SIPA1L1: variants seen among roughly 807,000 people sequenced by gnomAD.
SIPA1L1 encodes signal induced proliferation associated 1 like 1, also known as signal-induced proliferation-associated 1-like protein 1.
SIPA1L1 carries 26 observed loss-of-function variants against 162.7 expected under a neutral mutation model. The observed-to-expected ratio is 0.16, with a 90% CI of 0.12 to 0.22. SIPA1L1 has a LOEUF of 0.22. Among genes scored for constraint, SIPA1L1 ranks in the 10% least tolerant of loss-of-function variants. The probability of loss-of-function intolerance (pLI) is 1.00; values close to 1 mark genes in which losing one functional copy is unlikely to be tolerated. For synonymous variants in SIPA1L1, 829 were observed against 837.4 expected (o/e 0.99, Z 0.17); for missense variants, 1,874 against 2,241.0 (o/e 0.84, Z 3.31).
chr14:71,330,786 T>C (rs1007231188), intron 2 of SIPA1L1: 1 of 730,526 alleles, frequency 1.4e-6, no homozygotes, highest in Non-Finnish European at 2.5e-6. Flanking sequence ...GGGCTGTCCC[T>C]GACGACCTCA....
intron 2 of SIPA1L1, among the ~76,000 whole-genome samples, chr14:71,412,475 G>T (rs2140324110): frequency 6.6e-6 from 1 of 152,304 alleles, no homozygotes; most frequent in East Asian, 1.9e-4. Context: ...TTATGGTAGT[G>T]TAGGAAAGGC....
intron 3 of SIPA1L1, among the ~76,000 whole-genome samples, chr14:71,522,834 C>T (rs918245857): frequency 9.9e-5 from 15 of 152,186 alleles, no homozygotes; most frequent in African/African-American, 3.4e-4. Context: ...GTTGGGATTA[C>T]AGGCTCCACC....
At chr14:71,593,836 A>G (rs1027669608) in intron 5 of SIPA1L1, among the ~76,000 whole-genome samples, 2 of 152,154 alleles carry the variant, frequency 1.3e-5, no homozygotes, top group East Asian at 1.9e-4. Flanking sequence ...GCTTGTCTTC[A>G]TGGTAGGTGG....
intron 10 of SIPA1L1, among the ~76,000 whole-genome samples, chr14:71,666,532 A>G (rs374366141): frequency 6.6e-6 from 1 of 152,368 alleles, no homozygotes; most frequent in East Asian, 1.9e-4. Context: ...TATTCATTTT[A>G]AAACTAAAAT....
At chr14:71,528,732 G>T (rs1157457988) in intron 3 of SIPA1L1, 1 of 152,144 alleles carries the variant, frequency 6.6e-6, no homozygotes, top group Non-Finnish European at 1.5e-5. Context: ...AACAGTACTT[G>T]ATAAAAAGGT....
intron 10 of SIPA1L1, among the ~76,000 whole-genome samples, chr14:71,667,099 C>T (rs2044086352): frequency 6.6e-6 from 1 of 152,078 alleles, no homozygotes; most frequent in Non-Finnish European, 1.5e-5. Flanking sequence ...TAGCTTACTG[C>T]ATGGGGGCTT....
chr14:71,564,482 TTTTC>T (rs2029882007), intron 4 of SIPA1L1, among the ~76,000 whole-genome samples: 1 of 95,144 alleles, frequency 1.1e-5, no homozygotes, highest in South Asian at 3.9e-4. Flanking sequence ...ATCCTCGGCA[TTTTC>T]TTTCTTTTTT....
intron 2 of SIPA1L1, among the ~76,000 whole-genome samples, chr14:71,480,273 C>T (rs534517946): frequency 6.4e-4 from 96 of 151,104 alleles, no homozygotes; most frequent in Non-Finnish European, 1.1e-3. Flanking sequence ...TTAGTAGAGA[C>T]GGGTTTTTGC....
chr14:71,417,485 A>G (rs2042873991), intron 2 of SIPA1L1, among the ~76,000 whole-genome samples: 2 of 141,406 alleles, frequency 1.4e-5, no homozygotes, highest in East Asian at 4.1e-4. Context: ...AAAAAAAAAA[A>G]AAAAAAAAAA....
intron 2 of SIPA1L1, among the ~76,000 whole-genome samples, chr14:71,497,525 C>G (rs1023527482): frequency 6.6e-6 from 1 of 152,214 alleles, no homozygotes; most frequent in South Asian, 2.1e-4. Context: ...AACCACTGAT[C>G]TGCCATCCAT....
chr14:71,416,278 T>C (rs1354742866), intron 2 of SIPA1L1: 2 of 152,190 alleles, frequency 1.3e-5, no homozygotes, highest in Non-Finnish European at 2.9e-5. Flanking sequence ...TAGCTCTAGA[T>C]GCAAGTCCAG....
chr14:71,559,461 T>C (rs1443174403), intron 4 of SIPA1L1, among the ~76,000 whole-genome samples: 1 of 152,214 alleles, frequency 6.6e-6, no homozygotes, highest in African/African-American at 2.4e-5. Flanking sequence ...CCCTGCCCAG[T>C]GGCATTGGAC....
chr14:71,734,427 T>A (rs1008915312), intron 21 of SIPA1L1, among the ~76,000 whole-genome samples: 21 of 152,250 alleles, frequency 1.4e-4, no homozygotes, highest in African/African-American at 4.6e-4. Flanking sequence ...GGGGTTTTTG[T>A]TTTTTGAATG....
chr14:71,713,216 A>C (rs969637547), intron 17 of SIPA1L1, among the ~76,000 whole-genome samples: 2 of 152,214 alleles, frequency 1.3e-5, no homozygotes, highest in Non-Finnish European at 2.9e-5. Flanking sequence ...ACTTTTCTTT[A>C]TGTTTTTTGC....
chr14:71,339,517 T>G (rs1348241684), intron 2 of SIPA1L1, among the ~76,000 whole-genome samples: 1 of 151,786 alleles, frequency 6.6e-6, no homozygotes, highest in Non-Finnish European at 1.5e-5. Flanking sequence ...CACTCACCAC[T>G]TCACCCGGCT....
At position 71,650,440 on chromosome 14, in the gene SIPA1L1, C is replaced by G. The variant is rs1200151171; in HGVS notation, c.1924C>G (p.Leu642Val). 1 of 1,613,938 alleles carries G rather than the reference C, an allele frequency of 6.2e-7. No individual in the cohort carries two copies. The highest frequency in any genetic ancestry group is 1.3e-5 in the African/African-American group (1 of 74,936). The part of the protein sequence containing the change: ...ESAGPAFEEF[L>V]QLLGERVRLK... ...AGCTGGCCCAGCCTTTGAAGAATTT[C>G]TTCAACTATTGGGAGAGCGAGTTCG... The change falls in exon 8 of 24, where the codon CTT becomes GTT. Residue 642 changes from leucine (L) to valine (V), a missense_variant. Coordinates refer to ENST00000381232, the MANE Select transcript of SIPA1L1 (RefSeq NM_001386936.1).
At chr14:71,695,266 C>T (rs1283942230) in intron 13 of SIPA1L1, among the ~76,000 whole-genome samples, 1 of 152,204 alleles carries the variant, frequency 6.6e-6, no homozygotes, top group Admixed American at 6.5e-5. Context: ...GGCATTCCAT[C>T]AGTTGCTCTA....
Position 71,537,877 on chromosome 14 carries a change from T to G in SIPA1L1, c.-303+8507T>G, listed in dbSNP as rs556296614. On this transcript the variant is annotated intron_variant, in intron 4 of 23. Transcript: ENST00000381232. ...AAAAGTAAAATCTGCCACTGTTCCT[T>G]TAGCTGTTTCTGTGTGACCCTGAAT... Among the ~76,000 whole-genome samples the G allele has an allele frequency of 2.6e-5, 4 of 152,310 alleles. No homozygotes were observed. In the South Asian group the frequency reaches 8.3e-4, roughly 32 times the overall value.
chr14:71,491,761 A>AACACACACACACACACACACAC (rs59275638), intron 2 of SIPA1L1, among the ~76,000 whole-genome samples: 34 of 97,954 alleles, frequency 3.5e-4, no homozygotes, highest in East Asian at 8.6e-4. Context: ...TTTTATTTCA[A>AACACACACACACACACACACAC]ACACACACAC....
Sources: gnomAD v4.1 joint callset for allele counts (sites outside exome capture counted in the v4.1 genomes callset) on GRCh38, gnomAD v4.1.1 for gene constraint, MANE v1.5 for transcripts, NCBI Gene and HGNC (gene_info 2026-07-23, HGNC 2026-07-21) for gene names.